PALS2: variants seen among roughly 807,000 people sequenced by gnomAD.
PALS2 encodes the protein protein associated with LIN7 2, MAGUK p55 family member, also known as protein PALS2.
PALS2 carries 27 observed loss-of-function variants against 61.6 expected under a neutral mutation model. That is an observed-to-expected ratio of 0.44 (90% CI 0.32 to 0.60). The LOEUF (loss-of-function observed/expected upper bound fraction) is 0.60. PALS2 is among the 20% of genes least tolerant of loss of function. The probability of loss-of-function intolerance (pLI) is 0.05; values close to 1 mark genes in which losing one functional copy is unlikely to be tolerated. For missense variants in PALS2, 554 were observed against 639.4 expected (o/e 0.87, Z 1.44); for synonymous variants, 236 against 218.6 (o/e 1.08, Z -0.70).
chr7:24,665,567 A>G (rs1375348408), intron 6 of PALS2, 21 bp from the exon 7 acceptor site: 1 of 1,607,776 alleles, frequency 6.2e-7, no homozygotes, highest in South Asian at 1.1e-5. Flanking sequence ...TGAGATGTAC[A>G]ATTCATTAAT....
intron 1 of PALS2, among the ~76,000 whole-genome samples, chr7:24,623,272 A>C (rs1784599976): frequency 6.7e-6 from 1 of 150,020 alleles, no homozygotes; most frequent in Non-Finnish European, 1.5e-5. Context: ...GATAGAATTC[A>C]GCAGTGAAGG....
At chr7:24,644,183 T>TA (rs1381102187) in intron 3 of PALS2, among the ~76,000 whole-genome samples, 1 of 151,724 alleles carries the variant, frequency 6.6e-6, no homozygotes. Context: ...GGGGGTTTGT[T>TA]GTACATATTA....
At chr7:24,683,196 T>C (rs1256629189) in intron 11 of PALS2, among the ~76,000 whole-genome samples, 1 of 152,232 alleles carries the variant, frequency 6.6e-6, no homozygotes, top group Non-Finnish European at 1.5e-5. Flanking sequence ...TGTCATTCCT[T>C]CTACATTTAT....
intron 6 of PALS2, among the ~76,000 whole-genome samples, chr7:24,664,754 T>C (rs1786926877): frequency 6.6e-6 from 1 of 152,078 alleles, no homozygotes; most frequent in South Asian, 2.1e-4. Context: ...TTTTTTTAGA[T>C]CCCTCATTTA....
At chr7:24,630,428 A>T (rs2128062313) in intron 2 of PALS2, among the ~76,000 whole-genome samples, 1 of 152,294 alleles carries the variant, frequency 6.6e-6, no homozygotes, top group South Asian at 2.1e-4. Flanking sequence ...GCACATTTGT[A>T]CTTATGTAAC....
At chr7:24,630,765 C>G (rs547830031) in intron 2 of PALS2, among the ~76,000 whole-genome samples, 1 of 152,326 alleles carries the variant, frequency 6.6e-6, no homozygotes, top group Admixed American at 6.5e-5. Flanking sequence ...AAGAATTATG[C>G]GAATTCTACT....
intron 6 of PALS2, 133 bp downstream of exon 6, chr7:24,663,854 G>A (rs939945845): frequency 7.3e-5 from 83 of 1,130,752 alleles, no homozygotes; most frequent in Middle Eastern, 2.9e-4. Context: ...CTCCTGCTTC[G>A]TGGCTACTAA....
At chr7:24,588,786 T>C (rs1210429356) in intron 1 of PALS2, among the ~76,000 whole-genome samples, 1 of 152,224 alleles carries the variant, frequency 6.6e-6, no homozygotes, top group African/African-American at 2.4e-5. Context: ...AACTTCTATT[T>C]GGCTTTATTG....
chr7:24,583,287 A>T lies in PALS2; in HGVS notation c.-3+9694A>T, dbSNP rs116157607. On this transcript the variant is annotated intron_variant, in intron 1 of 11. Coordinates refer to ENST00000222644, the MANE Select transcript of PALS2 (RefSeq NM_001303037.2). ...GTCAGTAAAAAAAAATGTAAGCCCTATTTTTAAAAGGTTGGACTATCTTGT... is the reference window on the plus strand; with the variant it reads ...GTCAGTAAAAAAAAATGTAAGCCCTTTTTTTAAAAGGTTGGACTATCTTGT... Among the ~76,000 whole-genome samples the T allele has an allele frequency of 7.5e-3, 1,149 of 152,272 alleles. 8 individuals are homozygous for T. Among genetic ancestry groups the T allele is most frequent in the African/African-American group, 0.026 (1,070 of 41,558 alleles).
intron 1 of PALS2, among the ~76,000 whole-genome samples, chr7:24,621,145 A>C (rs1439366023): frequency 6.6e-6 from 1 of 152,072 alleles, no homozygotes; most frequent in African/African-American, 2.4e-5. Context: ...TATATTCTTT[A>C]CTTCTTATGT....
intron 1 of PALS2, among the ~76,000 whole-genome samples, chr7:24,616,126 A>G (rs544908248): frequency 2.3e-4 from 35 of 152,288 alleles, no homozygotes; most frequent in Non-Finnish European, 4.9e-4. Flanking sequence ...CTTTTCCTGT[A>G]AGGACTGGAA....
At chr7:24,648,407 C>T (rs1583942358) in intron 3 of PALS2, among the ~76,000 whole-genome samples, 1 of 151,260 alleles carries the variant, frequency 6.6e-6, no homozygotes, top group East Asian at 2.0e-4. Context: ...GTTCTCCTGC[C>T]TCAGCCTCCC....
intron 11 of PALS2, among the ~76,000 whole-genome samples, chr7:24,685,924 A>G (rs956612563): frequency 7.2e-5 from 11 of 152,174 alleles, no homozygotes; most frequent in African/African-American, 2.7e-4. Flanking sequence ...AATGATTTAT[A>G]TACAGCTAGC....
intron 5 of PALS2, among the ~76,000 whole-genome samples, chr7:24,652,998 G>A (rs1437896189): frequency 1.3e-5 from 2 of 152,108 alleles, no homozygotes; most frequent in African/African-American, 2.4e-5. Flanking sequence ...TTAGATTTCC[G>A]GGGGCTATTC....
chr7:24,631,830 A>G (rs990333888), intron 2 of PALS2, among the ~76,000 whole-genome samples: 1 of 152,244 alleles, frequency 6.6e-6, no homozygotes, highest in African/African-American at 2.4e-5. Context: ...TTTAACCTTT[A>G]AAGTATTTTT....
intron 1 of PALS2, among the ~76,000 whole-genome samples, chr7:24,604,055 G>T (rs1256045937): frequency 2.6e-5 from 4 of 151,734 alleles, no homozygotes; most frequent in Admixed American, 1.3e-4. Flanking sequence ...AGAATTAAAG[G>T]AAAATACAGT....
intron 2 of PALS2, among the ~76,000 whole-genome samples, chr7:24,625,078 G>A (rs1365477423): frequency 2.6e-5 from 4 of 152,042 alleles, no homozygotes; most frequent in African/African-American, 7.2e-5. Context: ...TAATAATAAT[G>A]TGCAGGGTAT....
intron 2 of PALS2, among the ~76,000 whole-genome samples, chr7:24,634,142 T>A (rs368563603): frequency 6.6e-6 from 1 of 152,108 alleles, no homozygotes; most frequent in African/African-American, 2.4e-5. Context: ...ATGAGATATA[T>A]CATTTGCAAA....
chr7:24,606,320 A>G (rs1167610178), intron 1 of PALS2, among the ~76,000 whole-genome samples: 1 of 152,184 alleles, frequency 6.6e-6, no homozygotes. Flanking sequence ...ACTCCAAGAC[A>G]CTGTGGCAAT....
Sources: allele counts gnomAD v4.1 joint callset (sites outside exome capture counted in the v4.1 genomes callset), GRCh38; gene constraint gnomAD v4.1.1; transcripts MANE v1.5; gene names NCBI Gene and HGNC (gene_info 2026-07-23, HGNC 2026-07-21).